The following BEND6 variants were observed in gnomAD, a reference collection of about 807,000 sequenced individuals.
BEND6 encodes BEN domain-containing protein 6.
A neutral mutation model predicts 31.8 loss-of-function variants in BEND6; 24 were observed. The ratio of observed to expected loss-of-function variants is 0.75; its 90% confidence interval spans 0.55 to 1.06. The LOEUF (loss-of-function observed/expected upper bound fraction) is 1.06. BEND6 is among the 50% of genes least tolerant of loss of function. The pLI is 0.00. For missense variants in BEND6, 294 were observed against 327.4 expected (o/e 0.90, Z 0.79); for synonymous variants, 109 against 114.6 (o/e 0.95, Z 0.31).
chr6:56,993,259 TA>T (rs1406479120), intron 3 of BEND6, among the ~76,000 whole-genome samples: 1 of 152,256 alleles, frequency 6.6e-6, no homozygotes, highest in Non-Finnish European at 1.5e-5. Flanking sequence ...AAGCACTATA[TA>T]TTTTTTATAC....
intron 3 of BEND6, among the ~76,000 whole-genome samples, chr6:57,007,242 C>T (rs904356313): frequency 6.6e-6 from 1 of 151,410 alleles, no homozygotes; most frequent in Non-Finnish European, 1.5e-5. Context: ...GAACTGTGAT[C>T]ACACCACTGC....
At chr6:56,998,768 GGAAA>G (rs778915029) in intron 3 of BEND6, among the ~76,000 whole-genome samples, 1 of 148,576 alleles carries the variant, frequency 6.7e-6, no homozygotes, top group Non-Finnish European at 1.5e-5. Flanking sequence ...AAAAAAAGAA[GGAAA>G]GAAAGAAAAA....
intron 2 of BEND6, among the ~76,000 whole-genome samples, chr6:56,983,304 G>T (rs1457689052): frequency 1.3e-5 from 2 of 151,832 alleles, no homozygotes; most frequent in African/African-American, 4.8e-5. Context: ...AATTTTTGTT[G>T]CAAGAGCAGA....
intron 6 of BEND6, among the ~76,000 whole-genome samples, chr6:57,025,158 A>G (rs545542697): frequency 3.0e-4 from 45 of 152,266 alleles, no homozygotes; most frequent in African/African-American, 1.0e-3. Context: ...TAAAACTGCT[A>G]TTTTGAATTC....
chr6:57,013,795 C>G (rs907216112), intron 3 of BEND6: 1 of 152,286 alleles, frequency 6.6e-6, no homozygotes, highest in African/African-American at 2.4e-5. Context: ...CCCCTTCACC[C>G]CTCAGACTGT....
In BEND6 at chr6:57,001,290, A is replaced by G. The variant is rs919332200; in HGVS notation, c.298+8735A>G. 1.7e-4 allele frequency among the ~76,000 whole-genome samples: 26 copies of G among 151,910 alleles called. No homozygotes were observed. The East Asian group carries it at 3.5e-3, about 20-fold the overall frequency. On this transcript the variant is annotated intron_variant, in intron 3 of 6. Transcript: ENST00000370746. ...GTGATCCTTCCACCTCACTCTCCCAAGTAACCGAGACTACAAGCATGCACC... is the reference window on the plus strand; with the variant it reads ...GTGATCCTTCCACCTCACTCTCCCAGGTAACCGAGACTACAAGCATGCACC...
chr6:56,959,168 A>G (rs756108578), intron 1 of BEND6, among the ~76,000 whole-genome samples: 59 of 152,218 alleles, frequency 3.9e-4, no homozygotes, highest in Non-Finnish European at 5.6e-4. Context: ...AGTCCCCCCA[A>G]CAGACTAGCT....
intron 1 of BEND6, among the ~76,000 whole-genome samples, chr6:56,960,831 A>C (rs1029299873): frequency 2.6e-5 from 4 of 152,230 alleles, no homozygotes; most frequent in African/African-American, 9.6e-5. Flanking sequence ...CTAGGAAGAG[A>C]AAGAAAAGTA....
chr6:56,955,825 T>C, intron 1 of BEND6, among the ~76,000 whole-genome samples: 1 of 152,024 alleles, frequency 6.6e-6, no homozygotes, highest in East Asian at 1.9e-4. Flanking sequence ...TTTTAGGGAG[T>C]GTGAGGCAAT....
At chr6:56,967,426 A>G (rs1825521372) in intron 1 of BEND6, among the ~76,000 whole-genome samples, 2 of 152,110 alleles carry the variant, frequency 1.3e-5, no homozygotes, top group South Asian at 4.1e-4. Flanking sequence ...ACAGGAAGGG[A>G]GCCGGGAGGA....
intron 3 of BEND6, chr6:57,004,630 C>A (rs531451081): frequency 9.1e-7 from 1 of 1,102,454 alleles, no homozygotes; most frequent in Non-Finnish European, 1.4e-6. Flanking sequence ...ACCCCTCCTA[C>A]GTGGGCTGAA....
chr6:57,006,857 A>G (rs1827177298), intron 3 of BEND6, among the ~76,000 whole-genome samples: 1 of 152,248 alleles, frequency 6.6e-6, no homozygotes, highest in African/African-American at 2.4e-5. Context: ...CCAAAGCTGC[A>G]TGGTATTGGC....
intron 3 of BEND6, among the ~76,000 whole-genome samples, chr6:56,994,407 G>A (rs1355156672): frequency 8.6e-5 from 11 of 127,786 alleles, no homozygotes; most frequent in Non-Finnish European, 1.4e-4. Flanking sequence ...GCAGTGAGCC[G>A]AGATCGTGCC....
At chr6:56,985,231 C>T (rs1044817962) in intron 2 of BEND6, among the ~76,000 whole-genome samples, 9 of 152,152 alleles carry the variant, frequency 5.9e-5, no homozygotes, top group Non-Finnish European at 1.3e-4. Context: ...TTTAGGTATT[C>T]GTACTTCTGG....
At position 57,015,115 on chromosome 6, in the gene BEND6, T is replaced by C. The variant is rs780788773; in HGVS notation, c.299-18T>C. On this transcript the variant is annotated intron_variant, in intron 3 of 6. Transcript: ENST00000370746. ...TATCAATGGTATTTGTAAAGTGTAC[T>C]TTTTCTTGCCATTTTAGTGTTACCA... 30 of 1,606,150 alleles carry C rather than the reference T, an allele frequency of 1.9e-5. No homozygotes were observed. The Admixed American group carries it at 5.0e-4, about 27-fold the overall frequency.
intron 6 of BEND6, among the ~76,000 whole-genome samples, chr6:57,020,090 AAAAAAAGAAGTTAT>A (rs1827690550): frequency 6.6e-6 from 1 of 152,102 alleles, no homozygotes; most frequent in Admixed American, 6.5e-5. Flanking sequence ...CCTTGTTTCC[AAAAAAAGAAGTTAT>A]AAAAGATAAG....
intron 2 of BEND6, among the ~76,000 whole-genome samples, chr6:56,989,599 T>C (rs1337985798): frequency 6.7e-6 from 1 of 148,734 alleles, no homozygotes; most frequent in African/African-American, 2.4e-5. Flanking sequence ...TCCATTGATC[T>C]ACATCTACTC....
At chr6:56,981,361 T>C (rs922625921) in intron 1 of BEND6, among the ~76,000 whole-genome samples, 4 of 152,310 alleles carry the variant, frequency 2.6e-5, no homozygotes, top group Admixed American at 2.6e-4. Context: ...CCTAAAGATA[T>C]ATAAGGTCAG....
chr6:57,004,576 G>C, intron 3 of BEND6: 1 of 932,348 alleles, frequency 1.1e-6, no homozygotes, highest in Non-Finnish European at 1.7e-6. Context: ...ACTACCACCA[G>C]GACTCAGAGG....
Sources: allele counts gnomAD v4.1 joint callset (sites outside exome capture counted in the v4.1 genomes callset), GRCh38; gene constraint gnomAD v4.1.1; transcripts MANE v1.5; gene names NCBI Gene and HGNC (gene_info 2026-07-23, HGNC 2026-07-21).